Variants in SBF2 observed in about 807,000 individuals in gnomAD.
SBF2 encodes myotubularin-related protein 13.
A neutral mutation model predicts 225.2 loss-of-function variants in SBF2; 112 were observed. The observed-to-expected ratio is 0.50, with a 90% CI of 0.43 to 0.58. The LOEUF (loss-of-function observed/expected upper bound fraction) is 0.58. SBF2 is among the 20% of genes least tolerant of loss of function. The pLI, the probability that SBF2 is intolerant of heterozygous loss-of-function variation, is 0.00. For missense variants in SBF2, 1,996 were observed against 2,206.2 expected (o/e 0.90, Z 1.91); for synonymous variants, 763 against 773.3 (o/e 0.99, Z 0.22).
chr11:9,829,374 C>G lies in SBF2; in HGVS notation c.3775G>C (p.Ala1259Pro), dbSNP rs746007277. 1.2e-6 allele frequency: 2 copies of G among 1,614,160 alleles called. No homozygotes were observed. The highest frequency in any genetic ancestry group is 2.2e-5 in the South Asian group (2 of 91,086). ...ATCTTACCTGGAGATAGAGCAAAGG[C>G]TGGCCTGACAGTAAGAGTGCTGTTG... ...RGNSTLTVRPAFALSPGVWAS... is the reference protein window; with the variant it reads ...RGNSTLTVRPPFALSPGVWAS... Residue 1259 changes from alanine to proline, a missense_variant, in exon 28 of 40, where the codon GCC becomes CCC. Physicochemically the swap from Ala to Pro is conservative, Grantham distance 27 (BLOSUM62 -1). Coordinates refer to ENST00000256190, the MANE Select transcript of SBF2 (RefSeq NM_030962.4).
chr11:10,101,203 C>A (rs1397429687), intron 2 of SBF2, among the ~76,000 whole-genome samples: 2 of 152,168 alleles, frequency 1.3e-5, no homozygotes, highest in Non-Finnish European at 2.9e-5. Context: ...ACTATCCACT[C>A]TTCGTCTTAC....
At position 10,009,891 on chromosome 11, in the gene SBF2, A is replaced by G. The variant is rs186680999; in HGVS notation, c.620-7202T>C. Among the ~76,000 whole-genome samples, 156 of 152,138 alleles carry G rather than the reference A, an allele frequency of 1.0e-3. No individual in the cohort carries two copies. The East Asian group carries it at 0.029, about 29-fold the overall frequency. ...CCAACAAGAGTGTAAAAGAATTCCT[A>G]TTTTTCCACATCCTCTCCAGCATCT... On this transcript the variant is annotated intron_variant, in intron 6 of 39. Transcript: ENST00000256190.
intron 2 of SBF2, among the ~76,000 whole-genome samples, chr11:10,071,072 G>A (rs1000031501): frequency 2.0e-5 from 3 of 152,044 alleles, no homozygotes; most frequent in African/African-American, 7.2e-5. Flanking sequence ...TGAGACGATG[G>A]TGTTTTCTAA....
intron 2 of SBF2, among the ~76,000 whole-genome samples, chr11:10,132,337 G>A (rs1421468329): frequency 6.6e-6 from 1 of 152,132 alleles, no homozygotes; most frequent in Non-Finnish European, 1.5e-5. Flanking sequence ...CAGAATTGGT[G>A]GGTTCTTGGT....
At chr11:9,790,267 T>C (rs557520578) in intron 34 of SBF2, among the ~76,000 whole-genome samples, 1 of 152,372 alleles carries the variant, frequency 6.6e-6, no homozygotes, top group East Asian at 1.9e-4. Flanking sequence ...ATATTTCAAA[T>C]TTTGTTAGTT....
chr11:10,007,508 G>A (rs947482617), intron 6 of SBF2, among the ~76,000 whole-genome samples: 3 of 152,100 alleles, frequency 2.0e-5, no homozygotes, highest in Non-Finnish European at 4.4e-5. Context: ...CCGCCAGCAG[G>A]GAATATGGAT....
chr11:10,162,542 T>G (rs1446962342), intron 2 of SBF2, among the ~76,000 whole-genome samples: 1 of 152,194 alleles, frequency 6.6e-6, no homozygotes, highest in Non-Finnish European at 1.5e-5. Flanking sequence ...AGAATGCAGA[T>G]AAGTGAGAAT....
At chr11:10,212,963 C>T (rs1272134943) in intron 1 of SBF2, among the ~76,000 whole-genome samples, 4 of 151,978 alleles carry the variant, frequency 2.6e-5, no homozygotes, top group African/African-American at 9.7e-5. Flanking sequence ...GCAGGAGAAT[C>T]GCTTGAACCC....
At chr11:9,828,028 A>G in intron 28 of SBF2, 1 of 640,964 alleles carries the variant, frequency 1.6e-6, no homozygotes, top group Non-Finnish European at 2.3e-6. Context: ...GAACAATTTG[A>G]ATCATAATTA....
At chr11:9,906,682 T>A (rs770207090) in intron 16 of SBF2, among the ~76,000 whole-genome samples, 7 of 152,226 alleles carry the variant, frequency 4.6e-5, no homozygotes, top group Non-Finnish European at 1.0e-4. Flanking sequence ...TGTGGTTATC[T>A]GTTGGGGAAT....
At chr11:10,046,470 A>T (rs1182856456) in intron 2 of SBF2, among the ~76,000 whole-genome samples, 1 of 152,206 alleles carries the variant, frequency 6.6e-6, no homozygotes, top group Admixed American at 6.5e-5. Flanking sequence ...TTCAAAAATC[A>T]ATTAAAGCAT....
At chr11:10,010,166 G>A (rs1394734202) in intron 6 of SBF2, among the ~76,000 whole-genome samples, 3 of 152,080 alleles carry the variant, frequency 2.0e-5, no homozygotes, top group Admixed American at 2.0e-4. Context: ...GGATAGATTG[G>A]AAATATTTTC....
At chr11:10,285,268 C>CGACT in intron 1 of SBF2, among the ~76,000 whole-genome samples, 2 of 151,498 alleles carry the variant, frequency 1.3e-5, no homozygotes, top group Middle Eastern at 6.8e-3. Context: ...TGTGATTGTG[C>CGACT]GACTGCCTTC....
At chr11:9,935,644 A>T (rs923411085) in intron 16 of SBF2, among the ~76,000 whole-genome samples, 1 of 152,214 alleles carries the variant, frequency 6.6e-6, no homozygotes. Flanking sequence ...GGCCTCAGAA[A>T]TATCACCACA....
chr11:10,019,702 T>A (rs905505397), intron 6 of SBF2, among the ~76,000 whole-genome samples: 16 of 151,270 alleles, frequency 1.1e-4, no homozygotes, highest in African/African-American at 3.6e-4. Context: ...TAAGTGAGAA[T>A]AAGATTAAAA....
chr11:9,952,970 T>C (rs980809460), intron 16 of SBF2, among the ~76,000 whole-genome samples: 2 of 152,218 alleles, frequency 1.3e-5, no homozygotes, highest in Non-Finnish European at 2.9e-5. Flanking sequence ...GAAAACAGTG[T>C]GGAGATTCCT....
At chr11:10,291,930 C>T (rs900677523) in intron 1 of SBF2, among the ~76,000 whole-genome samples, 6 of 152,190 alleles carry the variant, frequency 3.9e-5, no homozygotes, top group East Asian at 1.9e-4. Context: ...ATCCTTCCCA[C>T]GTGCATATTC....
intron 17 of SBF2, among the ~76,000 whole-genome samples, chr11:9,884,092 G>T (rs1367102140): frequency 6.6e-6 from 1 of 152,100 alleles, no homozygotes; most frequent in East Asian, 1.9e-4. Flanking sequence ...ACCCTTTGAT[G>T]GAGGCTTTGC....
At chr11:9,825,688 A>G (rs1855022294) in intron 28 of SBF2, among the ~76,000 whole-genome samples, 1 of 152,266 alleles carries the variant, frequency 6.6e-6, no homozygotes, top group Non-Finnish European at 1.5e-5. Flanking sequence ...ATTCTGAACC[A>G]AATTCTAGGA....
Sources: gnomAD v4.1 joint callset for allele counts (sites outside exome capture counted in the v4.1 genomes callset) on GRCh38, gnomAD v4.1.1 for gene constraint, MANE v1.5 for transcripts, NCBI Gene and HGNC (gene_info 2026-07-23, HGNC 2026-07-21) for gene names.